Variants in SMOC1 observed in about 807,000 individuals in gnomAD.
The protein encoded by SMOC1 is SPARC related modular calcium binding 1, also known as SPARC-related modular calcium-binding protein 1.
A neutral mutation model predicts 56.3 loss-of-function variants in SMOC1; 22 were observed. That is an observed-to-expected ratio of 0.39 (90% CI 0.28 to 0.56). The LOEUF is 0.56. Among genes scored for constraint, SMOC1 ranks in the 20% least tolerant of loss-of-function variants. The pLI is 0.61. For synonymous variants in SMOC1, 193 were observed against 215.0 expected (o/e 0.90, Z 0.89); for missense variants, 509 against 565.4 (o/e 0.90, Z 1.01).
chr14:69,885,403 A>G, intron 1 of SMOC1: 1 of 1,600,670 alleles, frequency 6.2e-7, no homozygotes, highest in South Asian at 1.1e-5. Flanking sequence ...TACGAGCCAC[A>G]GACTTAGGAC....
chr14:69,919,914 C>CG (rs1222778452), intron 1 of SMOC1, among the ~76,000 whole-genome samples: 1 of 148,386 alleles, frequency 6.7e-6, no homozygotes, highest in Non-Finnish European at 1.5e-5. Context: ...ACAAATACCC[C>CG]CCCCCCCCTT....
chr14:69,909,632 T>G (rs1243863671), intron 1 of SMOC1, among the ~76,000 whole-genome samples: 1 of 152,252 alleles, frequency 6.6e-6, no homozygotes, highest in Non-Finnish European at 1.5e-5. Context: ...TTTCTTGTTT[T>G]TGTAAAGAGC....
intron 1 of SMOC1, among the ~76,000 whole-genome samples, chr14:69,939,363 G>A (rs1039516577): frequency 6.6e-6 from 1 of 152,166 alleles, no homozygotes; most frequent in African/African-American, 2.4e-5. Context: ...TCACTATCAT[G>A]AGAACAGCAT....
intron 5 of SMOC1, among the ~76,000 whole-genome samples, chr14:69,984,916 C>T (rs2139523631): frequency 1.3e-5 from 2 of 151,694 alleles, no homozygotes; most frequent in South Asian, 4.2e-4. Flanking sequence ...GTGATGTGCA[C>T]CTGTAATCCC....
intron 1 of SMOC1, among the ~76,000 whole-genome samples, chr14:69,893,045 C>T (rs1309434071): frequency 6.6e-6 from 1 of 152,178 alleles, no homozygotes; most frequent in Non-Finnish European, 1.5e-5. Flanking sequence ...AACAGGTCTT[C>T]TGGAGTTTCC....
rs192646550 is a variant in SMOC1, at chr14:69,970,736, C to T, written c.379-4979C>T. ...CCCCTTTGCTCCCTGACTTGCTTTA[C>T]CCCCAGGAGCTGAGGTTTCTCTGCT... On this transcript the variant is annotated intron_variant, in intron 3 of 11. Coordinates refer to ENST00000361956, the MANE Select transcript of SMOC1 (RefSeq NM_001034852.3). 9.1e-4 allele frequency among the ~76,000 whole-genome samples: 137 copies of T among 150,822 alleles called. 1 individual carries two copies. The highest frequency in any genetic ancestry group is 3.1e-3 in the African/African-American group (123 of 40,162).
chr14:70,009,759 A>G (rs1048126844), intron 7 of SMOC1, among the ~76,000 whole-genome samples: 12 of 152,282 alleles, frequency 7.9e-5, no homozygotes, highest in African/African-American at 2.9e-4. Context: ...ATGTATGTAC[A>G]TAAAATCTAG....
At chr14:69,998,624 C>T (rs1014476075) in intron 7 of SMOC1, among the ~76,000 whole-genome samples, 26 of 152,154 alleles carry the variant, frequency 1.7e-4, no homozygotes, top group African/African-American at 6.0e-4. Context: ...TTTCCTATGG[C>T]TCTGATTTAC....
At chr14:69,958,152 T>C (rs1232862571) in intron 3 of SMOC1, among the ~76,000 whole-genome samples, 1 of 152,132 alleles carries the variant, frequency 6.6e-6, no homozygotes, top group Non-Finnish European at 1.5e-5. Context: ...TCCCAGCTAA[T>C]TGGGAGGCTG....
At chr14:69,994,838 G>A (rs1023387247) in intron 7 of SMOC1, among the ~76,000 whole-genome samples, 5 of 152,084 alleles carry the variant, frequency 3.3e-5, no homozygotes, top group Non-Finnish European at 7.3e-5. Context: ...GTGTTTTGAA[G>A]GCTCTAAATA....
At position 70,023,361 on chromosome 14, in the gene SMOC1, G is replaced by T. The variant is rs1455506717; in HGVS notation, c.1205G>T (p.Arg402Leu). 2 of 1,614,116 alleles carry T rather than the reference G, an allele frequency of 1.2e-6. No homozygotes were observed. Among genetic ancestry groups the T allele is most frequent in the Non-Finnish European group, 1.7e-6 (2 of 1,180,036 alleles). ...AAAGCCAAGCCCAAGAAATGTGCCC[G>T]GCGTTTCACCGACTACTGTGACCTG... ...KKKAKPKKCARRFTDYCDLNK... is the reference protein window; with the variant it reads ...KKKAKPKKCALRFTDYCDLNK... Residue 402 changes from arginine (R) to leucine (L), a missense_variant, in exon 11 of 12, where the codon CGG becomes CTG. Physicochemically the swap from Arg to Leu is moderately radical, Grantham distance 102. Coordinates refer to ENST00000361956, the MANE Select transcript of SMOC1 (RefSeq NM_001034852.3).
intron 3 of SMOC1, among the ~76,000 whole-genome samples, chr14:69,965,404 T>TAATAATAATAATAATAATAAA (rs761154559): frequency 0.11 from 16,081 of 149,126 alleles, 1,239 homozygotes; most frequent in East Asian, 0.25. Context: ...ATAATAATAA[T>TAATAATAATAATAATAATAAA]AAAAAGATGA....
chr14:69,897,034 A>T (rs1052100234), intron 1 of SMOC1, among the ~76,000 whole-genome samples: 2 of 152,170 alleles, frequency 1.3e-5, no homozygotes, highest in African/African-American at 4.8e-5. Context: ...TGCCCTCCTC[A>T]TGATTTCTGG....
intron 1 of SMOC1, among the ~76,000 whole-genome samples, chr14:69,937,361 T>C (rs868416258): frequency 1.3e-5 from 2 of 152,334 alleles, no homozygotes; most frequent in Middle Eastern, 3.4e-3. Flanking sequence ...GTTTTTATCC[T>C]TAAAAGAAAG....
intron 3 of SMOC1, among the ~76,000 whole-genome samples, chr14:69,964,607 G>A (rs891028152): frequency 6.6e-6 from 1 of 152,046 alleles, no homozygotes; most frequent in African/African-American, 2.4e-5. Context: ...TCGATTTGCT[G>A]ACCTCGAGAT....
At chr14:69,933,449 T>C (rs1885218047) in intron 1 of SMOC1, among the ~76,000 whole-genome samples, 1 of 152,252 alleles carries the variant, frequency 6.6e-6, no homozygotes, top group African/African-American at 2.4e-5. Flanking sequence ...TTTGTCATGG[T>C]TCTTTATACA....
In SMOC1 at chr14:69,935,839, C is replaced by T. The variant is rs1885281413; in HGVS notation, c.100-16299C>T. ...GGGCAGGAACTATGGCAGTGTGCCC[C>T]TCCCTGCAGATCCTGTGCCTAGCAC... On this transcript the variant is annotated intron_variant, in intron 1 of 11. Coordinates refer to ENST00000361956, the MANE Select transcript of SMOC1 (RefSeq NM_001034852.3). Among the ~76,000 whole-genome samples, 4 of 152,352 alleles carry T rather than the reference C, an allele frequency of 2.6e-5. 1 individual carries two copies. The South Asian group carries it at 8.3e-4, about 32-fold the overall frequency.
Position 70,011,537 on chromosome 14 carries a change from G to T in SMOC1, c.910G>T (p.Asp304Tyr), listed in dbSNP as rs1000531320. 6.2e-7 allele frequency: 1 copy of T among 1,613,890 alleles called. No homozygotes were observed. The highest frequency in any genetic ancestry group is 1.3e-5 in the African/African-American group (1 of 74,836). Residue 304 changes from aspartate (D) to tyrosine (Y), a missense_variant, in exon 9 of 12, where the codon GAT (aspartate) becomes TAT (tyrosine). Asp to Tyr is a radical substitution (Grantham distance 160). Transcript: ENST00000361956. ...CGCCAGGGCCAAGACTACAGAGGCG[G>T]ATGACCCCTTCAAGGACAGGGAGCT... The part of the protein sequence containing the change: ...SDARAKTTEA[D>Y]DPFKDRELPG...
At chr14:69,881,349 C>G (rs550492558) in intron 1 of SMOC1, among the ~76,000 whole-genome samples, 3 of 152,140 alleles carry the variant, frequency 2.0e-5, no homozygotes, top group South Asian at 2.1e-4. Flanking sequence ...ACAGGAGGGT[C>G]GAAAGGAGAG....
Sources: gnomAD v4.1 joint callset for allele counts (sites outside exome capture counted in the v4.1 genomes callset) on GRCh38, gnomAD v4.1.1 for gene constraint, MANE v1.5 for transcripts, NCBI Gene and HGNC (gene_info 2026-07-23, HGNC 2026-07-21) for gene names.